Variants in LRP1B observed in about 807,000 individuals in gnomAD.
LRP1B encodes the protein LDL receptor related protein 1B, also known as low-density lipoprotein receptor-related protein 1B.
A neutral mutation model predicts 556.6 loss-of-function variants in LRP1B; 217 were observed. The observed-to-expected ratio is 0.39, with a 90% CI of 0.35 to 0.44. LRP1B has a LOEUF of 0.44. Ranked by LOEUF, LRP1B falls within the 20% of genes least tolerant of loss-of-function variation. The pLI, the probability that LRP1B is intolerant of heterozygous loss-of-function variation, is 1.00. For missense variants in LRP1B, 5,053 were observed against 5,620.8 expected (o/e 0.90, Z 3.23); for synonymous variants, 2,047 against 1,865.8 (o/e 1.10, Z -2.50).
intron 7 of LRP1B, among the ~76,000 whole-genome samples, chr2:141,148,105 G>A (rs1196956768): frequency 6.6e-6 from 1 of 152,144 alleles, no homozygotes; most frequent in Non-Finnish European, 1.5e-5. Context: ...TTAAGCATGC[G>A]TGACTGTAGT....
chr2:140,274,705 A>C, intron 84 of LRP1B, 107 bp from the exon 85 acceptor site: 1 of 842,984 alleles, frequency 1.2e-6, no homozygotes, highest in Non-Finnish European at 1.8e-6. Context: ...TAATAGGTAG[A>C]TTAATTTACA....
At chr2:142,092,044 A>G (rs936305888) in intron 1 of LRP1B, among the ~76,000 whole-genome samples, 1 of 152,202 alleles carries the variant, frequency 6.6e-6, no homozygotes, top group African/African-American at 2.4e-5. Context: ...CTCACTGACA[A>G]TGGCAGAGCA....
At chr2:140,947,375 T>C (rs1273404223) in intron 20 of LRP1B, among the ~76,000 whole-genome samples, 1 of 152,206 alleles carries the variant, frequency 6.6e-6, no homozygotes, top group South Asian at 2.1e-4. Flanking sequence ...TTGCACCATA[T>C]GCTCTGCTTA....
chr2:140,969,280 T>G (rs1696333486), intron 18 of LRP1B, among the ~76,000 whole-genome samples: 1 of 152,246 alleles, frequency 6.6e-6, no homozygotes, highest in African/African-American at 2.4e-5. Flanking sequence ...TTTACCATTA[T>G]GTAATGGCCT....
Position 142,035,841 on chromosome 2 carries a change from G to A in LRP1B, c.82+94807C>T, listed in dbSNP as rs1428713999. ...ATTGTATCTCCCAGAATTCCCACGTGTGATGGGAGGAACCCAGTGGGAGGT... is the reference window on the plus strand; with the variant it reads ...ATTGTATCTCCCAGAATTCCCACGTATGATGGGAGGAACCCAGTGGGAGGT... On this transcript the variant is annotated intron_variant, in intron 1 of 90. Coordinates refer to ENST00000389484, the MANE Select transcript of LRP1B (RefSeq NM_018557.3). 2.6e-5 allele frequency among the ~76,000 whole-genome samples: 4 copies of A among 151,806 alleles called. No homozygotes were observed. The East Asian group carries it at 5.9e-4, about 22-fold the overall frequency.
chr2:140,820,238 T>C (rs7577999), intron 31 of LRP1B, among the ~76,000 whole-genome samples: 112,679 of 152,200 alleles, frequency 0.74, 44,660 homozygotes, highest in East Asian at 0.89. Context: ...GCTCAGCCTC[T>C]CAAAGTACTG....
chr2:141,190,445 G>C (rs978359338), intron 6 of LRP1B, among the ~76,000 whole-genome samples: 1 of 151,870 alleles, frequency 6.6e-6, no homozygotes, highest in Non-Finnish European at 1.5e-5. Context: ...TTTTTGATCA[G>C]CCATACACTG....
At chr2:142,068,367 C>G (rs1224051936) in intron 1 of LRP1B, among the ~76,000 whole-genome samples, 1 of 151,462 alleles carries the variant, frequency 6.6e-6, no homozygotes, top group African/African-American at 2.4e-5. Context: ...ATTTTGCCAG[C>G]ATAAAGTAAC....
intron 2 of LRP1B, among the ~76,000 whole-genome samples, chr2:141,790,562 A>C (rs532695568): frequency 2.0e-5 from 3 of 152,008 alleles, no homozygotes; most frequent in African/African-American, 4.8e-5. Context: ...AGTGGGAATC[A>C]CCATTAAAAA....
Position 140,450,619 on chromosome 2 carries a change from A to T in LRP1B, c.10006T>A (p.Cys3336Ser). ...TCACCACAGTCATCCACGGTGTCAC[A>T]TTTCCACCAGAATGGAATACATTTG... is the stretch of plus-strand genomic sequence containing the variant. ...TDKCIPFWWK[C>S]DTVDDCGDGS... The change falls in exon 63 of 91, where the codon TGT (cysteine) becomes AGT (serine). Residue 3336 changes from cysteine (C) to serine (S), a missense_variant. By Grantham distance (112) the Cys-to-Ser change is moderately radical. Transcript: ENST00000389484. 6.2e-7 allele frequency: 1 copy of T among 1,613,294 alleles called. No homozygotes were observed. The highest frequency in any genetic ancestry group is 8.5e-7 in the Non-Finnish European group (1 of 1,179,640).
At chr2:141,997,648 CATATAT>C (rs138886100) in intron 1 of LRP1B, among the ~76,000 whole-genome samples, 16 of 139,134 alleles carry the variant, frequency 1.1e-4, no homozygotes, top group Admixed American at 2.2e-4. Context: ...GCACCCAGCC[CATATAT>C]ATATATATAT....
chr2:142,052,357 A>C (rs1704492398), intron 1 of LRP1B, among the ~76,000 whole-genome samples: 1 of 152,116 alleles, frequency 6.6e-6, no homozygotes, highest in African/African-American at 2.4e-5. Flanking sequence ...GCTTAGGTCC[A>C]GAATGAAGTA....
At chr2:142,095,151 T>TA (rs397812661) in intron 1 of LRP1B, among the ~76,000 whole-genome samples, 2 of 151,290 alleles carry the variant, frequency 1.3e-5, no homozygotes, top group Admixed American at 1.3e-4. Context: ...TTTTTTTTTT[T>TA]AAATCAGCAG....
intron 2 of LRP1B, among the ~76,000 whole-genome samples, chr2:141,599,045 TCCCCCCCGCCCCCCC>T (rs1687630438): frequency 1.4e-4 from 4 of 29,002 alleles, no homozygotes; most frequent in African/African-American, 3.8e-4. Flanking sequence ...TTTGTTCAAC[TCCCCCCCGCCCCCCC>T]CCCCCCCCCC....
At position 140,717,515 on chromosome 2, in the gene LRP1B, A is replaced by T. The variant is rs529892179; in HGVS notation, c.5759-699T>A. Among the ~76,000 whole-genome samples, 45 of 152,172 alleles carry T rather than the reference A, an allele frequency of 3.0e-4. No individual in the cohort carries two copies. In the South Asian group the frequency reaches 9.1e-3, roughly 31 times the overall value. Reference sequence around the variant, plus strand: ...GTCTTTATATAAGAGTACTTTTTGAATACTTGAATGAAAAATGTGTCTAAA... The same window carrying T: ...GTCTTTATATAAGAGTACTTTTTGATTACTTGAATGAAAAATGTGTCTAAA... On this transcript the variant is annotated intron_variant, in intron 35 of 90. Transcript: ENST00000389484.
chr2:140,786,360 A>C (rs1042488603), intron 32 of LRP1B, among the ~76,000 whole-genome samples: 1 of 152,230 alleles, frequency 6.6e-6, no homozygotes, highest in Non-Finnish European at 1.5e-5. Flanking sequence ...TATATATGAG[A>C]GTGAATTTAC....
intron 25 of LRP1B, among the ~76,000 whole-genome samples, chr2:140,875,174 C>T (rs1475444525): frequency 6.6e-6 from 1 of 152,070 alleles, no homozygotes; most frequent in Non-Finnish European, 1.5e-5. Flanking sequence ...CTCCTCAAAG[C>T]CCAGGAACTA....
At chr2:141,590,312 T>G (rs1478818574) in intron 2 of LRP1B, among the ~76,000 whole-genome samples, 4 of 152,228 alleles carry the variant, frequency 2.6e-5, no homozygotes, top group Non-Finnish European at 5.9e-5. Flanking sequence ...TTAAAACTCT[T>G]GCTGAGATTA....
At chr2:141,470,411 T>C (rs1682417386) in intron 3 of LRP1B, among the ~76,000 whole-genome samples, 1 of 152,220 alleles carries the variant, frequency 6.6e-6, no homozygotes, top group Non-Finnish European at 1.5e-5. Context: ...TTTTTTTCCT[T>C]TTCAATCAAT....
Sources: allele counts gnomAD v4.1 joint callset (sites outside exome capture counted in the v4.1 genomes callset), GRCh38; gene constraint gnomAD v4.1.1; transcripts MANE v1.5; gene names NCBI Gene and HGNC (gene_info 2026-07-23, HGNC 2026-07-21).